The following FHIP1A variants were observed in gnomAD, a reference collection of about 807,000 sequenced individuals.
FHIP1A encodes the protein FHF complex subunit HOOK-interacting protein 1A.
Under a neutral mutation model 88.6 loss-of-function variants are expected in FHIP1A, and 61 were observed. The observed-to-expected ratio is 0.69, with a 90% CI of 0.56 to 0.85. FHIP1A has a LOEUF of 0.85. Ranked by LOEUF, FHIP1A falls within the 40% of genes least tolerant of loss-of-function variation. The pLI is 0.00. For synonymous variants in FHIP1A, 478 were observed against 496.0 expected (o/e 0.96, Z 0.48); for missense variants, 1,154 against 1,273.5 (o/e 0.91, Z 1.43).
At chr4:151,429,798 G>C (rs140597106) in intron 1 of FHIP1A, among the ~76,000 whole-genome samples, 1 of 144,608 alleles carries the variant, frequency 6.9e-6, no homozygotes, top group Non-Finnish European at 1.5e-5. Context: ...GCAATGAGCC[G>C]AGATCGCACC....
chr4:151,566,396 C>G (rs1484724172), intron 4 of FHIP1A, 32 bp downstream of exon 4: 17 of 1,312,644 alleles, frequency 1.3e-5, no homozygotes, highest in Non-Finnish European at 1.8e-5. Flanking sequence ...TTTTGCTGGT[C>G]TCAGTAACCC....
chr4:151,509,748 T>C (rs1730960001), intron 3 of FHIP1A, among the ~76,000 whole-genome samples: 1 of 140,214 alleles, frequency 7.1e-6, no homozygotes, highest in Non-Finnish European at 1.6e-5. Flanking sequence ...TTAAAAATAC[T>C]GTCTCTATGT....
chr4:151,490,780 G>A (rs947317078), intron 3 of FHIP1A, among the ~76,000 whole-genome samples: 1 of 150,592 alleles, frequency 6.6e-6, no homozygotes, highest in African/African-American at 2.4e-5. Context: ...AGTCTCCAGA[G>A]AAATAGGTAT....
At position 151,656,121 on chromosome 4, in the gene FHIP1A, C is replaced by A; in HGVS notation, c.2552-111C>A. 3 of 833,468 alleles carry A rather than the reference C, an allele frequency of 3.6e-6. No homozygotes were observed. Among genetic ancestry groups the A allele is most frequent in the Non-Finnish European group, 5.6e-6 (3 of 533,264 alleles). The allele number at this position is 833,468 out of a possible 1,614,324, so 51.6% of individuals were successfully genotyped here. On this transcript the variant is annotated intron_variant, in intron 11 of 13. Transcript: ENST00000435205. This position sits in a 1 kb window ranked among gnomAD's most constrained non-coding sequence, Gnocchi z 4.2. ...CCATATTTGCTGTGTCTGGCTTGCA[C>A]CTGTGGGCCCATGGTGGTTTGGGAG... is the stretch of plus-strand genomic sequence containing the variant.
chr4:151,522,119 G>A (rs1016285849), intron 3 of FHIP1A, among the ~76,000 whole-genome samples: 1 of 152,140 alleles, frequency 6.6e-6, no homozygotes, highest in Non-Finnish European at 1.5e-5. Context: ...AGAATCTTTA[G>A]GCAGGCTGTC....
At chr4:151,490,310 T>C (rs1838043) in intron 3 of FHIP1A, among the ~76,000 whole-genome samples, 101,880 of 152,094 alleles carry the variant, frequency 0.67, 35,970 homozygotes, top group African/African-American at 0.92. Context: ...GCTAGGATAC[T>C]TGAAGATGGA....
intron 3 of FHIP1A, among the ~76,000 whole-genome samples, chr4:151,564,660 A>G (rs1733311200): frequency 6.6e-6 from 1 of 152,202 alleles, no homozygotes; most frequent in Admixed American, 6.5e-5. Context: ...GGGGAATTCA[A>G]TTTTCATAAT....
intron 1 of FHIP1A, among the ~76,000 whole-genome samples, chr4:151,448,464 C>T (rs1179668574): frequency 6.6e-6 from 1 of 152,130 alleles, no homozygotes; most frequent in Non-Finnish European, 1.5e-5. Flanking sequence ...AGTAATTCCC[C>T]ATTATCCCCC....
At chr4:151,616,671 C>G (rs1735543442) in intron 7 of FHIP1A, among the ~76,000 whole-genome samples, 1 of 151,792 alleles carries the variant, frequency 6.6e-6, no homozygotes, top group South Asian at 2.1e-4. Flanking sequence ...AGGATGGTCT[C>G]AATCTCCTGA....
chr4:151,634,275 A>G (rs1038358933), intron 8 of FHIP1A, among the ~76,000 whole-genome samples: 14 of 151,680 alleles, frequency 9.2e-5, no homozygotes, highest in Admixed American at 2.0e-4. Context: ...AAGAACAAAT[A>G]GAAAGACATT....
rs1354444095 is a variant in FHIP1A, at chr4:151,646,604, G to A, written c.1273G>A (p.Val425Met). The A allele has an allele frequency of 3.9e-6, 6 of 1,551,502 alleles. No individual in the cohort carries two copies. The highest frequency in any genetic ancestry group is 4.4e-6 in the Non-Finnish European group (5 of 1,146,918). ...NHMMLSQRWA[V>M]KERDCYSVSA... ...CATGATGCTGAGTCAGAGGTGGGCT[G>A]TGAAGGAGAGAGACTGTTACTCTGT... The change falls in exon 10 of 14, where the codon GTG (valine) becomes ATG (methionine). Residue 425 changes from valine (V) to methionine (M), a missense_variant. Transcript: ENST00000435205.
intron 7 of FHIP1A, among the ~76,000 whole-genome samples, chr4:151,603,076 G>T (rs1455281226): frequency 6.6e-6 from 1 of 152,166 alleles, no homozygotes; most frequent in East Asian, 1.9e-4. Flanking sequence ...ACTTTGGGAG[G>T]CCAAGGTGGG....
At chr4:151,506,387 CTATT>C (rs1377252094) in intron 3 of FHIP1A, among the ~76,000 whole-genome samples, 1 of 152,110 alleles carries the variant, frequency 6.6e-6, no homozygotes, top group East Asian at 1.9e-4. Context: ...TTGTCTTAGT[CTATT>C]TATGTTGCTA....
chr4:151,463,731 A>G (rs929610538), intron 2 of FHIP1A, among the ~76,000 whole-genome samples: 1 of 152,208 alleles, frequency 6.6e-6, no homozygotes, highest in African/African-American at 2.4e-5. Context: ...TTGTCTGATG[A>G]CAATACCGAG....
In FHIP1A at chr4:151,656,119, C is replaced by A; in HGVS notation, c.2552-113C>A. The A allele has an allele frequency of 1.3e-6, 1 of 798,048 alleles. No individual in the cohort carries two copies. The highest frequency in any genetic ancestry group is 2.0e-6 in the Non-Finnish European group (1 of 508,338). 49.4% of individuals were successfully genotyped at this position (798,048 alleles called of 1,614,324 possible). A position where few individuals can be genotyped will look rare whatever the true frequency, so the allele number is the denominator to read the frequency against. The stretch of plus-strand genomic sequence containing the variant: ...GGCCATATTTGCTGTGTCTGGCTTG[C>A]ACCTGTGGGCCCATGGTGGTTTGGG... On this transcript the variant is annotated intron_variant, in intron 11 of 13. Coordinates refer to ENST00000435205, the MANE Select transcript of FHIP1A (RefSeq NM_001109977.3). The surrounding 1 kb of genome is among the most constrained non-coding windows in gnomAD (Gnocchi z 4.2).
intron 3 of FHIP1A, among the ~76,000 whole-genome samples, chr4:151,542,043 C>T (rs999851961): frequency 6.6e-6 from 1 of 152,122 alleles, no homozygotes; most frequent in African/African-American, 2.4e-5. Flanking sequence ...CTGGCCTCTC[C>T]TTTCCTGTTA....
intron 8 of FHIP1A, among the ~76,000 whole-genome samples, chr4:151,637,694 C>G (rs1315815775): frequency 2.0e-5 from 3 of 152,090 alleles, no homozygotes; most frequent in Non-Finnish European, 4.4e-5. Flanking sequence ...TAGGAGTTAG[C>G]CCATGGGGGA....
At chr4:151,575,781 G>C (rs908024289) in intron 4 of FHIP1A, among the ~76,000 whole-genome samples, 1 of 152,148 alleles carries the variant, frequency 6.6e-6, no homozygotes, top group South Asian at 2.1e-4. Context: ...ACAAGGGAGA[G>C]ACTTAGACAT....
At chr4:151,564,015 AAAC>A (rs1329530330) in intron 3 of FHIP1A, among the ~76,000 whole-genome samples, 2 of 151,900 alleles carry the variant, frequency 1.3e-5, no homozygotes, top group Admixed American at 6.5e-5. Flanking sequence ...AACAACCAAC[AAAC>A]AACAACAACA....
Sources: gnomAD v4.1 joint callset for allele counts (sites outside exome capture counted in the v4.1 genomes callset) on GRCh38, gnomAD v4.1.1 for gene constraint, Gnocchi (gnomAD v3.1) non-coding constraint, MANE v1.5 for transcripts, NCBI Gene and HGNC (gene_info 2026-07-23, HGNC 2026-07-21) for gene names.